The following STEAP1 variants were observed in gnomAD, a reference collection of about 807,000 sequenced individuals.
STEAP1 encodes the protein STEAP1 protein.
In STEAP1, 30 loss-of-function variants were observed where a neutral mutation model predicts 34.4. That is an observed-to-expected ratio of 0.87 (90% CI 0.65 to 1.18). The LOEUF (loss-of-function observed/expected upper bound fraction) is 1.18. Among genes scored for constraint, STEAP1 ranks in the 50% most tolerant of loss-of-function variants. The probability of loss-of-function intolerance (pLI) is 0.00; values close to 1 mark genes in which losing one functional copy is unlikely to be tolerated. For synonymous variants in STEAP1, 116 were observed against 135.3 expected (o/e 0.86, Z 0.99); for missense variants, 318 against 391.1 (o/e 0.81, Z 1.58).
rs781030625 is a variant in STEAP1, at chr7:90,160,936, C to T, written c.216C>T (p.His72=). The T allele has an allele frequency of 5.6e-6, 9 of 1,613,916 alleles. No homozygotes were observed. Among genetic ancestry groups the T allele is most frequent in the African/African-American group, 1.3e-5 (1 of 74,946 alleles). The change falls in exon 3 of 5, where the codon CAC becomes CAT. Residue 72 remains histidine, a synonymous_variant. Coordinates refer to ENST00000297205, the MANE Select transcript of STEAP1 (RefSeq NM_012449.3). ...CACAGGAACTCTTTCCACAGTGGCA[C>T]TTGCCAATTAAAATAGCTGCTATTA... ...QHTQELFPQW[H]LPIKIAAIIA...
At chr7:90,155,820 G>A (rs1310762519) in intron 1 of STEAP1, among the ~76,000 whole-genome samples, 1 of 152,120 alleles carries the variant, frequency 6.6e-6, no homozygotes, top group African/African-American at 2.4e-5. Context: ...GGGCCACTCT[G>A]GTTTTCCACC....
chr7:90,162,312 GTTTGTTTGTTT>G (rs1402691303), intron 4 of STEAP1: 9 of 570,288 alleles, frequency 1.6e-5, no homozygotes, highest in African/African-American at 2.0e-5. Context: ...TTTTTTTTTT[GTTTGTTTGTTT>G]TTTGTTTGTT....
Position 90,164,705 on chromosome 7 carries a change from A to G in STEAP1, c.991A>G (p.Asn331Asp). Residue 331 changes from asparagine (N) to aspartate (D), a missense_variant, in exon 5 of 5, where the codon AAC becomes GAC. Transcript: ENST00000297205. Reference sequence around the variant, plus strand: ...TGGTTGGGAAGACGTCACCAAAATTAACAAAACTGAGATATGTTCCCAGTT... The same window carrying G: ...TGGTTGGGAAGACGTCACCAAAATTGACAAAACTGAGATATGTTCCCAGTT... ...RHGWEDVTKI[N>D]KTEICSQL 1 of 1,613,056 alleles carries G rather than the reference A, an allele frequency of 6.2e-7. No homozygotes were observed. Among genetic ancestry groups the G allele is most frequent in the Non-Finnish European group, 8.5e-7 (1 of 1,179,634 alleles).
chr7:90,156,545 C>T (rs560972535), intron 1 of STEAP1, among the ~76,000 whole-genome samples: 19 of 152,348 alleles, frequency 1.2e-4, no homozygotes, highest in African/African-American at 4.6e-4. Context: ...ACTGCCTGAG[C>T]TCCACCTCCT....
At chr7:90,156,881 G>A (rs1379740270) in intron 1 of STEAP1, among the ~76,000 whole-genome samples, 1 of 152,146 alleles carries the variant, frequency 6.6e-6, no homozygotes, top group East Asian at 1.9e-4. Flanking sequence ...ACAGCCTATG[G>A]AACCATGAGC....
In STEAP1 at chr7:90,159,802, A is replaced by G; in HGVS notation, c.14A>G (p.Lys5Arg). The change falls in exon 2 of 5, where the codon AAA (lysine) becomes AGA (arginine). Residue 5 changes from lysine (K) to arginine (R), a missense_variant. Lys to Arg is a conservative substitution (Grantham distance 26, BLOSUM62 2). Coordinates refer to ENST00000297205, the MANE Select transcript of STEAP1 (RefSeq NM_012449.3). MESR[K>R]DITNQEELWK... is the part of the protein sequence containing the mutation. ...TTTATAGAATTAATGGAAAGCAGAA[A>G]AGACATCACAAACCAAGAAGAACTT... The G allele has an allele frequency of 6.4e-7, 1 of 1,556,156 alleles. No individual in the cohort carries two copies.
In STEAP1 at chr7:90,160,131, C is replaced by T. The variant is rs143628760; in HGVS notation, c.84+259C>T. Among the ~76,000 whole-genome samples the T allele has an allele frequency of 4.3e-3, 650 of 151,884 alleles. 4 individuals are homozygous for T. Among genetic ancestry groups the T allele is most frequent in the Middle Eastern group, 0.031 (9 of 294 alleles). On this transcript the variant is annotated intron_variant, in intron 2 of 4. Coordinates refer to ENST00000297205, the MANE Select transcript of STEAP1 (RefSeq NM_012449.3). ...AATCTGGGGTCTTAGTTTGTTTATA[C>T]CATGAAAGCCTTGGACCAGATCATC... is the stretch of plus-strand genomic sequence containing the variant.
intron 1 of STEAP1, among the ~76,000 whole-genome samples, chr7:90,155,917 C>A (rs1794112285): frequency 6.6e-6 from 1 of 152,176 alleles, no homozygotes. Context: ...CAGCGCTGAG[C>A]CTTTTCCTCT....
intron 4 of STEAP1, among the ~76,000 whole-genome samples, chr7:90,162,667 T>C (rs39284): frequency 0.44 from 67,232 of 151,960 alleles, 15,880 homozygotes; most frequent in Non-Finnish European, 0.53. Context: ...GACAATTTGC[T>C]ACCCATCTAA....
chr7:90,161,596 C>T (rs553853877), intron 3 of STEAP1, among the ~76,000 whole-genome samples: 23 of 152,236 alleles, frequency 1.5e-4, no homozygotes, highest in Non-Finnish European at 3.1e-4. Flanking sequence ...ACCACCCTCA[C>T]AAGATTACTT....
chr7:90,164,711 A>G lies in STEAP1; in HGVS notation c.997A>G (p.Thr333Ala). 1 of 1,612,742 alleles carries G rather than the reference A, an allele frequency of 6.2e-7. No individual in the cohort carries two copies. Among genetic ancestry groups the G allele is most frequent in the Non-Finnish European group, 8.5e-7 (1 of 1,179,540 alleles). Reference protein sequence around the residue: ...GWEDVTKINKTEICSQL With the variant: ...GWEDVTKINKAEICSQL Reference sequence around the variant, plus strand: ...GGAAGACGTCACCAAAATTAACAAAACTGAGATATGTTCCCAGTTGTAGAA... The same window carrying G: ...GGAAGACGTCACCAAAATTAACAAAGCTGAGATATGTTCCCAGTTGTAGAA... The change falls in exon 5 of 5, where the codon ACT becomes GCT. Residue 333 changes from threonine (T) to alanine (A), a missense_variant. Thr to Ala is a moderately conservative substitution (Grantham distance 58, BLOSUM62 0). Coordinates refer to ENST00000297205, the MANE Select transcript of STEAP1 (RefSeq NM_012449.3).
At position 90,162,360 on chromosome 7, in the gene STEAP1, G is replaced by A. The variant is rs1047632380; in HGVS notation, c.762+282G>A. On this transcript the variant is annotated intron_variant, in intron 4 of 4. Transcript: ENST00000297205. ...GTTTGTTTTTTTGAGATGAAGTCTCGCTCTGTTGCCCATGCTGGAGTACAG... is the reference window on the plus strand; with the variant it reads ...GTTTGTTTTTTTGAGATGAAGTCTCACTCTGTTGCCCATGCTGGAGTACAG... 2.9e-5 allele frequency: 10 copies of A among 347,992 alleles called. No individual in the cohort carries two copies. In the East Asian group the frequency reaches 4.3e-4, roughly 15 times the overall value. The allele number at this position is 347,992 out of a possible 1,614,324, so 21.6% of individuals were successfully genotyped here.
chr7:90,161,413 T>C, intron 3 of STEAP1, 96 bp downstream of exon 3: 6 of 1,359,892 alleles, frequency 4.4e-6, no homozygotes, highest in Non-Finnish European at 5.9e-6. Context: ...CCAACCCTGT[T>C]GAAACTCTGT....
chr7:90,161,111 C>T lies in STEAP1; in HGVS notation c.391C>T (p.Leu131=). The T allele has an allele frequency of 6.2e-7, 1 of 1,613,988 alleles. No homozygotes were observed. The highest frequency in any genetic ancestry group is 2.2e-5 in the East Asian group (1 of 44,880). ...VSITLLALVY[L]PGVIAAIVQL... ...CATCACTCTCTTGGCATTGGTTTAC[C>T]TGCCAGGTGTGATAGCAGCAATTGT... Residue 131 remains leucine (L), a synonymous_variant, in exon 3 of 5, where the codon CTG becomes TTG. Transcript: ENST00000297205.
In STEAP1 at chr7:90,164,482, G is replaced by C. The variant is rs768889100; in HGVS notation, c.768G>C (p.Lys256Asn). ...ATTTTGTTTTTCTTTTGCAGAGCAA[G>C]CTAGGAATTGTTTCCCTTCTACTGG... ...TWREFHYIQSKLGIVSLLLGT... is the reference protein window; with the variant it reads ...TWREFHYIQSNLGIVSLLLGT... Residue 256 changes from lysine (K) to asparagine (N), a missense_variant, in exon 5 of 5, where the codon AAG becomes AAC. Physicochemically the swap from Lys to Asn is moderately conservative, Grantham distance 94. Coordinates refer to ENST00000297205, the MANE Select transcript of STEAP1 (RefSeq NM_012449.3). 1.9e-6 allele frequency: 3 copies of C among 1,601,744 alleles called. No individual in the cohort carries two copies. In the South Asian group the frequency reaches 3.4e-5, roughly 18 times the overall value.
chr7:90,162,544 G>T, intron 4 of STEAP1, among the ~76,000 whole-genome samples: 1 of 152,104 alleles, frequency 6.6e-6, no homozygotes, highest in South Asian at 2.1e-4. Context: ...GGCCAGGCTG[G>T]TCTCGATCTC....
intron 1 of STEAP1, among the ~76,000 whole-genome samples, chr7:90,155,430 A>G (rs191224679): frequency 7.7e-4 from 118 of 152,342 alleles, no homozygotes; most frequent in African/African-American, 2.6e-3. Flanking sequence ...CTGTGCCAAC[A>G]TTTAGGAACA....
intron 4 of STEAP1, chr7:90,162,359 C>T (rs1282018691): frequency 5.7e-6 from 2 of 349,188 alleles, no homozygotes; most frequent in Admixed American, 5.1e-5. Flanking sequence ...GATGAAGTCT[C>T]GCTCTGTTGC....
Position 90,160,824 on chromosome 7 carries a change from C to T in STEAP1, c.104C>T (p.Thr35Ile), listed in dbSNP as rs756305874. Reference protein sequence around the residue: ...DDYLHKDTGETSMLKRPVLLH... With the variant: ...DDYLHKDTGEISMLKRPVLLH... ...TTGTAGCATAAGGACACGGGAGAGA[C>T]CAGCATGCTAAAAAGACCTGTGCTT... The change falls in exon 3 of 5, where the codon ACC (threonine) becomes ATC (isoleucine). Residue 35 changes from threonine to isoleucine, a missense_variant. By Grantham distance (89) the Thr-to-Ile change is moderately conservative (BLOSUM62 -1). Coordinates refer to ENST00000297205, the MANE Select transcript of STEAP1 (RefSeq NM_012449.3). The T allele has an allele frequency of 1.2e-6, 2 of 1,613,896 alleles. No homozygotes were observed. Among genetic ancestry groups the T allele is most frequent in the East Asian group, 2.2e-5 (1 of 44,878 alleles).
Sources: gnomAD v4.1 joint callset for allele counts (sites outside exome capture counted in the v4.1 genomes callset) on GRCh38, gnomAD v4.1.1 for gene constraint, MANE v1.5 for transcripts, NCBI Gene and HGNC (gene_info 2026-07-23, HGNC 2026-07-21) for gene names.